SPTLC3: variants seen among roughly 807,000 people sequenced by gnomAD.
The protein encoded by SPTLC3 is serine palmitoyltransferase 3.
A neutral mutation model predicts 59.3 loss-of-function variants in SPTLC3; 36 were observed. That is an observed-to-expected ratio of 0.61 (90% CI 0.47 to 0.80). The LOEUF (loss-of-function observed/expected upper bound fraction) is 0.80. SPTLC3 is among the 30% of genes least tolerant of loss of function. The pLI, the probability that SPTLC3 is intolerant of heterozygous loss-of-function variation, is 0.00. For missense variants in SPTLC3, 625 were observed against 685.1 expected, an observed-to-expected ratio of 0.91 and a Z score of 0.98; for synonymous variants, 257 against 240.8, an observed-to-expected ratio of 1.07 and a Z score of -0.62.
chr20:13,078,591 G>A (rs6131428), intron 4 of SPTLC3, among the ~76,000 whole-genome samples: 41,810 of 151,972 alleles, frequency 0.28, 5,907 homozygotes, highest in Middle Eastern at 0.35. Flanking sequence ...AGCTTTGCAA[G>A]TACTAAACAA....
chr20:13,107,911 T>G (rs1989995019), intron 6 of SPTLC3, among the ~76,000 whole-genome samples: 1 of 152,162 alleles, frequency 6.6e-6, no homozygotes, highest in Non-Finnish European at 1.5e-5. Flanking sequence ...CTTCATTATT[T>G]CATTATATAT....
At chr20:13,069,784 G>T (rs1230522792) in intron 2 of SPTLC3, among the ~76,000 whole-genome samples, 13 of 152,138 alleles carry the variant, frequency 8.5e-5, no homozygotes, top group Non-Finnish European at 4.4e-5. Flanking sequence ...TAATTTTATA[G>T]ACAGAATACT....
chr20:13,009,071 A>C lies in SPTLC3; in HGVS notation c.-197A>C. The C allele has an allele frequency of 1.8e-6, 1 of 565,890 alleles. No homozygotes were observed. The highest frequency in any genetic ancestry group is 3.1e-6 in the Non-Finnish European group (1 of 317,490). The allele number at this position is 565,890 out of a possible 1,614,324, so 35.1% of individuals were successfully genotyped here. On this transcript the variant is annotated 5_prime_UTR_variant, in exon 1 of 12. Transcript: ENST00000399002. ...TTTTGACGGGAGTTGAGAAGTATAAAGGTAACCATTTGTTTTAGTTTCAAC... is the reference window on the plus strand; with the variant it reads ...TTTTGACGGGAGTTGAGAAGTATAACGGTAACCATTTGTTTTAGTTTCAAC...
At chr20:13,026,979 T>G (rs557982013) in intron 1 of SPTLC3, among the ~76,000 whole-genome samples, 40 of 152,276 alleles carry the variant, frequency 2.6e-4, no homozygotes, top group African/African-American at 9.1e-4. Flanking sequence ...GCCTCATCCT[T>G]CGGGAAAGAT....
At chr20:13,152,042 A>G (rs1051920730) in intron 9 of SPTLC3, among the ~76,000 whole-genome samples, 2 of 152,178 alleles carry the variant, frequency 1.3e-5, no homozygotes, top group Non-Finnish European at 2.9e-5. Flanking sequence ...AGTTTTATTG[A>G]TCTTCAGAAG....
chr20:13,072,480 G>A, intron 3 of SPTLC3, 70 bp downstream of exon 3: 1 of 1,429,668 alleles, frequency 7.0e-7, no homozygotes, highest in Non-Finnish European at 9.3e-7. Context: ...ATGGCCACTA[G>A]ATGACAAATC....
chr20:13,100,368 C>T (rs535388712), intron 6 of SPTLC3, among the ~76,000 whole-genome samples: 2 of 152,074 alleles, frequency 1.3e-5, no homozygotes, highest in African/African-American at 4.8e-5. Context: ...ATCAGAACAC[C>T]GAAAGTCTAT....
intron 4 of SPTLC3, among the ~76,000 whole-genome samples, chr20:13,078,698 A>G (rs1458428214): frequency 6.6e-6 from 1 of 152,140 alleles, no homozygotes; most frequent in Non-Finnish European, 1.5e-5. Flanking sequence ...GAAGAGGTAA[A>G]ATAGCCATTA....
At chr20:13,128,139 G>A (rs758553890) in intron 9 of SPTLC3, among the ~76,000 whole-genome samples, 2 of 152,222 alleles carry the variant, frequency 1.3e-5, no homozygotes, top group Non-Finnish European at 2.9e-5. Context: ...TTAACATTGT[G>A]TCTGGAGACA....
chr20:13,088,079 G>T (rs1989063924), intron 4 of SPTLC3, among the ~76,000 whole-genome samples: 1 of 152,164 alleles, frequency 6.6e-6, no homozygotes, highest in African/African-American at 2.4e-5. Context: ...TCATGCCCAG[G>T]CTGTTGGCCT....
chr20:13,154,905 G>A (rs926716115), intron 10 of SPTLC3, among the ~76,000 whole-genome samples: 1 of 152,182 alleles, frequency 6.6e-6, no homozygotes. Context: ...AACTGGCAGG[G>A]CACAGTGGCT....
intron 4 of SPTLC3, among the ~76,000 whole-genome samples, chr20:13,084,147 A>G (rs1376604559): frequency 6.6e-6 from 1 of 152,278 alleles, no homozygotes; most frequent in East Asian, 1.9e-4. Context: ...GCTTCTATAA[A>G]GACTGGCAGG....
At chr20:13,136,349 C>A (rs1196730628) in intron 9 of SPTLC3, among the ~76,000 whole-genome samples, 1 of 152,022 alleles carries the variant, frequency 6.6e-6, no homozygotes, top group Non-Finnish European at 1.5e-5. Context: ...GTAATTCCAG[C>A]ACTTTGCGAG....
intron 2 of SPTLC3, among the ~76,000 whole-genome samples, chr20:13,051,993 C>A (rs879884381): frequency 5.9e-5 from 9 of 152,036 alleles, no homozygotes; most frequent in Non-Finnish European, 1.2e-4. Context: ...CAAATAGACA[C>A]TGTAAGGCCA....
At chr20:13,030,326 A>G (rs1485711469) in intron 1 of SPTLC3, among the ~76,000 whole-genome samples, 1 of 152,168 alleles carries the variant, frequency 6.6e-6, no homozygotes, top group Non-Finnish European at 1.5e-5. Context: ...AGTAAGCTGG[A>G]CTCATCAAAT....
At chr20:13,017,218 A>G (rs143937161) in intron 1 of SPTLC3, among the ~76,000 whole-genome samples, 4 of 152,312 alleles carry the variant, frequency 2.6e-5, no homozygotes, top group Non-Finnish European at 1.5e-5. Flanking sequence ...AGCTTATCAC[A>G]AATGACACCA....
Position 13,106,642 on chromosome 20 carries a change from C to T in SPTLC3, c.827-3470C>T, listed in dbSNP as rs563880156. 1.1e-4 allele frequency among the ~76,000 whole-genome samples: 16 copies of T among 152,268 alleles called. No homozygotes were observed. The East Asian group carries it at 1.2e-3, about 11-fold the overall frequency. On this transcript the variant is annotated intron_variant, in intron 6 of 11. Coordinates refer to ENST00000399002, the MANE Select transcript of SPTLC3 (RefSeq NM_018327.4). ...TTGTATTAGGCAACTATTACTGGAA[C>T]AAACCTCAGTTGCCAATAATAATCA...
At chr20:13,028,518 T>C (rs1429423227) in intron 1 of SPTLC3, among the ~76,000 whole-genome samples, 1 of 152,186 alleles carries the variant, frequency 6.6e-6, no homozygotes. Flanking sequence ...TAAGAGACAG[T>C]CCCTAGGAAG....
Position 13,091,185 on chromosome 20 carries a change from A to G in SPTLC3, c.710A>G (p.Asn237Ser), listed in dbSNP as rs1267967005. ...FGMGFATNSM[N>S]IPALVGKGCL... ...ATGGGATTCGCAACTAACTCAATGA[A>G]TATCCCAGCATTAGTTGGAAAGGTG... The change falls in exon 5 of 12, where the codon AAT becomes AGT. Residue 237 changes from asparagine (N) to serine (S), a missense_variant. By Grantham distance (46) the Asn-to-Ser change is conservative. Transcript: ENST00000399002. 1.2e-6 allele frequency: 2 copies of G among 1,613,740 alleles called. No homozygotes were observed. Among genetic ancestry groups the G allele is most frequent in the Non-Finnish European group, 1.7e-6 (2 of 1,179,792 alleles).
Sources: allele counts gnomAD v4.1 joint callset (sites outside exome capture counted in the v4.1 genomes callset), GRCh38; gene constraint gnomAD v4.1.1; transcripts MANE v1.5; gene names NCBI Gene and HGNC (gene_info 2026-07-23, HGNC 2026-07-21).